Variants in TPO observed in about 807,000 individuals in gnomAD.
TPO encodes the protein thyroid microsomal antigen.
A neutral mutation model predicts 96.9 loss-of-function variants in TPO; 78 were observed. That is an observed-to-expected ratio of 0.81 (90% CI 0.67 to 0.97). The LOEUF is 0.97. Ranked by LOEUF, TPO falls within the 50% of genes least tolerant of loss-of-function variation. The pLI is 0.00. For synonymous variants in TPO, 547 were observed against 538.0 expected (o/e 1.02, Z -0.23); for missense variants, 1,252 against 1,274.8 (o/e 0.98, Z 0.27).
At chr2:1,375,196 T>C (rs1661704269) in intron 1 of TPO, among the ~76,000 whole-genome samples, 1 of 152,008 alleles carries the variant, frequency 6.6e-6, no homozygotes, top group East Asian at 1.9e-4. Context: ...TGAAAAATCA[T>C]GTTGGTTAGG....
intron 6 of TPO, 150 bp downstream of exon 6, chr2:1,453,973 C>T (rs1011240878): frequency 1.6e-6 from 2 of 1,283,250 alleles, no homozygotes; most frequent in African/African-American, 3.0e-5. Flanking sequence ...GTAGCAATCA[C>T]TGTTTCTGCC....
chr2:1,463,683 T>C, intron 7 of TPO, among the ~76,000 whole-genome samples: 1 of 152,192 alleles, frequency 6.6e-6, no homozygotes, highest in Middle Eastern at 3.2e-3. Context: ...CTTTTCTTCA[T>C]GACCTTGCTC....
intron 15 of TPO, among the ~76,000 whole-genome samples, chr2:1,524,269 T>TCCCCACA (rs1675902646): frequency 1.7e-5 from 2 of 117,856 alleles, no homozygotes; most frequent in African/African-American, 3.4e-5. Context: ...CCTCCTCAAA[T>TCCCCACA]CTCCTCACAG....
At chr2:1,419,480 C>A (rs114912275) in intron 2 of TPO, among the ~76,000 whole-genome samples, 2,771 of 152,230 alleles carry the variant, frequency 0.018, 104 homozygotes, top group African/African-American at 0.062. Flanking sequence ...ATCTGCCCTG[C>A]CTCTATTGCC....
chr2:1,455,372 T>A (rs760847835), intron 6 of TPO, among the ~76,000 whole-genome samples: 2 of 151,998 alleles, frequency 1.3e-5, no homozygotes, highest in Non-Finnish European at 2.9e-5. Flanking sequence ...CATTCCAAGG[T>A]TCCCCCAAAC....
Position 1,413,561 on chromosome 2 carries a change from T to A in TPO, c.-2+16T>A, listed in dbSNP as rs1258126550. ...AGGAAAAAAGGTCAGGTTGTAAAGCTTTTTATTTTTCCATTTTCTAAGAGA... is the reference window on the plus strand; with the variant it reads ...AGGAAAAAAGGTCAGGTTGTAAAGCATTTTATTTTTCCATTTTCTAAGAGA... On this transcript the variant is annotated intron_variant, in intron 1 of 16. Coordinates refer to ENST00000329066, the MANE Select transcript of TPO (RefSeq NM_001206744.2). 1.5e-6 allele frequency: 1 copy of A among 667,468 alleles called. No individual in the cohort carries two copies. Among genetic ancestry groups the A allele is most frequent in the Non-Finnish European group, 1.9e-6 (1 of 539,586 alleles). The allele number at this position is 667,468 out of a possible 1,614,324, so 41.3% of individuals were successfully genotyped here.
In TPO at chr2:1,503,990, C is replaced by G; in HGVS notation, c.2429C>G (p.Ala810Gly). ...CADGAHPPCHASARCRNTKGG... is the reference protein window; with the variant it reads ...CADGAHPPCHGSARCRNTKGG... ...GACGGTGCCCACCCCCCCTGCCACG[C>G]CTCTGCGAGGTGCAGAAACACCAAA... The change falls in exon 14 of 17, where the codon GCC becomes GGC. Residue 810 changes from alanine to glycine, a missense_variant. Coordinates refer to ENST00000329066, the MANE Select transcript of TPO (RefSeq NM_001206744.2). 6.2e-7 allele frequency: 1 copy of G among 1,614,202 alleles called. No individual in the cohort carries two copies. The highest frequency in any genetic ancestry group is 8.5e-7 in the Non-Finnish European group (1 of 1,180,038).
At chr2:1,415,509 A>C (rs894946556) in intron 2 of TPO, among the ~76,000 whole-genome samples, 2 of 147,764 alleles carry the variant, frequency 1.4e-5, no homozygotes, top group African/African-American at 5.1e-5. Flanking sequence ...GCCTCTGCAC[A>C]TAGTCCCGGG....
chr2:1,530,909 T>TC (rs200639215), intron 15 of TPO, among the ~76,000 whole-genome samples: 1 of 27,488 alleles, frequency 3.6e-5, no homozygotes, highest in Admixed American at 6.0e-4. Flanking sequence ...CCTCCCCAAA[T>TC]CCCCCCCACT....
chr2:1,500,145 A>T (rs376526659), intron 13 of TPO, among the ~76,000 whole-genome samples: 4 of 152,288 alleles, frequency 2.6e-5, no homozygotes, highest in South Asian at 2.1e-4. Flanking sequence ...TTTTTAAAGC[A>T]GTGGGCCACA....
At chr2:1,396,723 G>A (rs1662085497) in intron 1 of TPO, among the ~76,000 whole-genome samples, 1 of 152,144 alleles carries the variant, frequency 6.6e-6, no homozygotes, top group African/African-American at 2.4e-5. Flanking sequence ...CAGGTTAGAA[G>A]CTGTCAGTGT....
At chr2:1,383,504 G>A (rs868663106) in intron 1 of TPO, among the ~76,000 whole-genome samples, 3 of 152,150 alleles carry the variant, frequency 2.0e-5, no homozygotes, top group Non-Finnish European at 4.4e-5. Flanking sequence ...TCATGTGTCT[G>A]TTGGCTGCAT....
At chr2:1,464,623 G>C (rs977401569) in intron 7 of TPO, among the ~76,000 whole-genome samples, 2 of 152,024 alleles carry the variant, frequency 1.3e-5, no homozygotes, top group African/African-American at 2.4e-5. Flanking sequence ...CTAATGTGTT[G>C]TGTTTTGATT....
At chr2:1,492,702 C>T (rs1476921103) in intron 10 of TPO, among the ~76,000 whole-genome samples, 1 of 152,190 alleles carries the variant, frequency 6.6e-6, no homozygotes, top group African/African-American at 2.4e-5. Flanking sequence ...TGGGGGGAAC[C>T]AGCCCAGTGC....
intron 8 of TPO, chr2:1,477,917 C>T (rs2148675574): frequency 1.0e-6 from 1 of 985,420 alleles, no homozygotes; most frequent in South Asian, 4.7e-5. Context: ...CCCACCAAGA[C>T]CCAACAACCA....
intron 15 of TPO, among the ~76,000 whole-genome samples, chr2:1,532,480 C>A (rs1197693361): frequency 8.0e-5 from 11 of 137,826 alleles, no homozygotes; most frequent in Admixed American, 6.5e-4. Context: ...TCAAATCCCC[C>A]CCACAGTGCA....
At chr2:1,418,103 C>G (rs944566337) in intron 2 of TPO, among the ~76,000 whole-genome samples, 5 of 152,038 alleles carry the variant, frequency 3.3e-5, no homozygotes, top group African/African-American at 1.2e-4. Context: ...ACCAACATGG[C>G]AAAACCCCAT....
chr2:1,390,226 A>T (rs183765401), intron 1 of TPO, among the ~76,000 whole-genome samples: 3 of 151,754 alleles, frequency 2.0e-5, no homozygotes, highest in African/African-American at 7.2e-5. Context: ...TGTCCGAGTG[A>T]TCTCATTGTT....
At chr2:1,515,104 G>GT (rs1423386596) in intron 14 of TPO, among the ~76,000 whole-genome samples, 3 of 152,204 alleles carry the variant, frequency 2.0e-5, no homozygotes, top group Non-Finnish European at 4.4e-5. Flanking sequence ...CGGCTGCCCT[G>GT]TCCTGACTGC....
Sources: allele counts gnomAD v4.1 joint callset (sites outside exome capture counted in the v4.1 genomes callset), GRCh38; gene constraint gnomAD v4.1.1; transcripts MANE v1.5; gene names NCBI Gene and HGNC (gene_info 2026-07-23, HGNC 2026-07-21).